KCNMA1: variants seen among roughly 807,000 people sequenced by gnomAD.
KCNMA1 encodes Calcium-activated potassium channel subunit alpha-1.
A neutral mutation model predicts 140.0 loss-of-function variants in KCNMA1; 29 were observed. That is an observed-to-expected ratio of 0.21 (90% CI 0.15 to 0.28). The LOEUF is 0.28. KCNMA1 is among the 10% of genes least tolerant of loss of function. The pLI, the probability that KCNMA1 is intolerant of heterozygous loss-of-function variation, is 1.00. For synonymous variants in KCNMA1, 612 were observed against 611.9 expected (o/e 1.00, Z 0.00); for missense variants, 880 against 1,602.2 (o/e 0.55, Z 7.70).
chr10:77,512,969 C>A (rs2048950733), intron 1 of KCNMA1, among the ~76,000 whole-genome samples: 2 of 152,188 alleles, frequency 1.3e-5, no homozygotes, highest in East Asian at 1.9e-4. Context: ...CTTACTGTTA[C>A]AAGAGTGAAC....
chr10:77,584,957 G>C (rs1266974108), intron 1 of KCNMA1, among the ~76,000 whole-genome samples: 1 of 152,182 alleles, frequency 6.6e-6, no homozygotes, highest in Non-Finnish European at 1.5e-5. Context: ...TGCACTCCCT[G>C]CACAGTCCTC....
At chr10:77,475,162 G>A (rs899051375) in intron 1 of KCNMA1, among the ~76,000 whole-genome samples, 5 of 152,148 alleles carry the variant, frequency 3.3e-5, no homozygotes, top group South Asian at 2.1e-4. Context: ...AGGAGTGCAC[G>A]TGTTGTGTAC....
chr10:77,550,545 C>T (rs892854459), intron 1 of KCNMA1, among the ~76,000 whole-genome samples: 1 of 152,316 alleles, frequency 6.6e-6, no homozygotes, highest in African/African-American at 2.4e-5. Flanking sequence ...TGTGATCTCA[C>T]GTAGATCCAC....
At chr10:76,952,193 G>T in intron 21 of KCNMA1, 1 of 1,548,032 alleles carries the variant, frequency 6.5e-7, no homozygotes, top group Non-Finnish European at 8.7e-7. Context: ...CTAAATTTAG[G>T]CCACCAGGGC....
intron 2 of KCNMA1, among the ~76,000 whole-genome samples, chr10:77,252,953 T>C (rs192767957): frequency 2.0e-5 from 3 of 151,922 alleles, no homozygotes; most frequent in East Asian, 3.9e-4. Context: ...CGCCCAGCAC[T>C]AATCCCTCTT....
At chr10:77,602,408 G>T (rs550920512) in intron 1 of KCNMA1, among the ~76,000 whole-genome samples, 1 of 152,128 alleles carries the variant, frequency 6.6e-6, no homozygotes, top group Non-Finnish European at 1.5e-5. Context: ...GGAAGGAGGG[G>T]TGTGGGGAGT....
chr10:76,921,710 T>C (rs368484853), intron 23 of KCNMA1, among the ~76,000 whole-genome samples: 1 of 152,308 alleles, frequency 6.6e-6, no homozygotes, highest in East Asian at 1.9e-4. Context: ...TAAAGAAAAT[T>C]CCATGTATAG....
At chr10:77,619,256 C>G (rs1463371275) in intron 1 of KCNMA1, among the ~76,000 whole-genome samples, 1 of 152,012 alleles carries the variant, frequency 6.6e-6, no homozygotes, top group Non-Finnish European at 1.5e-5. Context: ...GGATCCACTT[C>G]CATGATGGCA....
At chr10:77,427,135 C>T (rs1438921215) in intron 1 of KCNMA1, among the ~76,000 whole-genome samples, 1 of 152,184 alleles carries the variant, frequency 6.6e-6, no homozygotes, top group East Asian at 1.9e-4. Context: ...CAAAGGCAGC[C>T]CTTCCTGGTG....
At chr10:77,315,117 T>C (rs924768269) in intron 2 of KCNMA1, among the ~76,000 whole-genome samples, 8 of 152,202 alleles carry the variant, frequency 5.3e-5, no homozygotes, top group Non-Finnish European at 7.3e-5. Flanking sequence ...CTGAACTAGA[T>C]AGTACCTAAT....
intron 2 of KCNMA1, among the ~76,000 whole-genome samples, chr10:77,322,956 T>C (rs560515894): frequency 6.6e-6 from 1 of 152,278 alleles, no homozygotes; most frequent in South Asian, 2.1e-4. Context: ...TTGAAAGAAT[T>C]TACCCCTGAG....
At chr10:77,637,013 T>A in intron 1 of KCNMA1, 3 of 1,409,968 alleles carry the variant, frequency 2.1e-6, no homozygotes, top group Non-Finnish European at 2.8e-6. Flanking sequence ...AACCCTACAA[T>A]AAACAAGAGG....
chr10:77,084,774 G>T (rs965435345), intron 11 of KCNMA1, 55 bp from the exon 12 acceptor site: 22 of 1,250,570 alleles, frequency 1.8e-5, no homozygotes, highest in Non-Finnish European at 2.6e-5. Context: ...AGCCATGCTC[G>T]AGTGTAGTCT....
intron 2 of KCNMA1, among the ~76,000 whole-genome samples, chr10:77,267,045 G>A (rs2063640973): frequency 6.6e-6 from 1 of 152,168 alleles, no homozygotes; most frequent in Non-Finnish European, 1.5e-5. Context: ...CAGAGAAGGG[G>A]CAATGAGCTT....
At chr10:77,034,113 ACAC>A (rs2094149500) in intron 15 of KCNMA1, among the ~76,000 whole-genome samples, 1 of 151,950 alleles carries the variant, frequency 6.6e-6, no homozygotes, top group South Asian at 2.1e-4. Context: ...TTGTGGTGGC[ACAC>A]GTCTCTAGTC....
chr10:76,877,203 G>T (rs974746065), downstream of KCNMA1: 2 of 153,090 alleles, frequency 1.3e-5, no homozygotes, highest in Non-Finnish European at 2.9e-5. Context: ...ACCCATCCAG[G>T]CGAGGAGCAG....
chr10:77,223,312 G>A (rs2050284163), intron 3 of KCNMA1, among the ~76,000 whole-genome samples: 1 of 151,700 alleles, frequency 6.6e-6, no homozygotes, highest in Non-Finnish European at 1.5e-5. Flanking sequence ...GACACACAGT[G>A]TATTGGCTTT....
intron 19 of KCNMA1, among the ~76,000 whole-genome samples, chr10:76,984,969 G>C (rs1592788052): frequency 6.6e-6 from 1 of 152,200 alleles, no homozygotes; most frequent in East Asian, 1.9e-4. Context: ...CTAGAATCCA[G>C]GTAGAGGGTT....
chr10:77,346,647 T>C (rs1199480283), intron 2 of KCNMA1, among the ~76,000 whole-genome samples: 1 of 152,220 alleles, frequency 6.6e-6, no homozygotes, highest in Non-Finnish European at 1.5e-5. Context: ...TCTGGTCACC[T>C]TGACTGTTAA....
Sources: gnomAD v4.1 joint callset for allele counts (sites outside exome capture counted in the v4.1 genomes callset) on GRCh38, gnomAD v4.1.1 for gene constraint, MANE v1.5 for transcripts, NCBI Gene and HGNC (gene_info 2026-07-23, HGNC 2026-07-21) for gene names.